The following PFKFB2 variants were observed in gnomAD, a reference collection of about 807,000 sequenced individuals.
PFKFB2 encodes the protein 6-phosphofructo-2-kinase/fructose-2,6-bisphosphatase 2.
Under a neutral mutation model 68.0 loss-of-function variants are expected in PFKFB2, and 53 were observed. The observed-to-expected ratio is 0.78, with a 90% confidence interval of 0.63 to 0.98. The LOEUF (loss-of-function observed/expected upper bound fraction) is 0.98, where lower values mean the gene tolerates loss of function less well. PFKFB2 is among the 50% of genes least tolerant of loss of function. The pLI is 0.00. For missense variants in PFKFB2, 451 were observed against 642.0 expected, an observed-to-expected ratio of 0.70 and a Z score of 3.22; for synonymous variants, 222 against 227.6, an observed-to-expected ratio of 0.98 and a Z score of 0.22.
intron 8 of PFKFB2, among the ~76,000 whole-genome samples, chr1:207,067,108 C>G (rs969430106): frequency 6.6e-6 from 1 of 152,164 alleles, no homozygotes; most frequent in Non-Finnish European, 1.5e-5. Context: ...CCTCGTTGCT[C>G]GTCGTGCCAT....
upstream of PFKFB2, among the ~76,000 whole-genome samples, chr1:207,049,907 GA>G (rs1272544250): frequency 6.6e-6 from 1 of 152,140 alleles, no homozygotes; most frequent in Non-Finnish European, 1.5e-5. Context: ...TCATAAAGAT[GA>G]AAAAAGAACA....
chr1:207,065,098 C>T lies in PFKFB2; in HGVS notation c.570C>T (p.Phe190=). 1 of 1,613,972 alleles carries T rather than the reference C, an allele frequency of 6.2e-7. No individual in the cohort carries two copies. The highest frequency in any genetic ancestry group is 8.5e-7 in the Non-Finnish European group (1 of 1,179,962). ...ERNRENVMED[F]LKRIECYKVT... ...ACAGAGAGAACGTGATGGAGGACTT[C>T]CTGAAGAGAATTGAATGCTACAAAG... The change falls in exon 8 of 15, where the codon TTC becomes TTT. Residue 190 remains phenylalanine, a synonymous_variant. Transcript: ENST00000367080.
chr1:207,035,255 C>A, intron 1 of PFKFB2: 1 of 959,642 alleles, frequency 1.0e-6, no homozygotes, highest in African/African-American at 1.8e-5. Flanking sequence ...TTTCTCAGTA[C>A]AACCTCCCCA....
chr1:207,071,674 A>G (rs1322583703), intron 14 of PFKFB2, 101 bp downstream of exon 14: 13 of 814,150 alleles, frequency 1.6e-5, no homozygotes, highest in Non-Finnish European at 2.7e-5. Flanking sequence ...TACAAAAGGG[A>G]AACAGATTCA....
chr1:207,050,364 C>A (rs1224382323), upstream of PFKFB2, among the ~76,000 whole-genome samples: 3 of 152,030 alleles, frequency 2.0e-5, no homozygotes, highest in African/African-American at 4.8e-5. Flanking sequence ...GACATAAGGA[C>A]AGAGAAAATA....
chr1:207,048,737 T>C (rs1682658450), upstream of PFKFB2: 1 of 364,822 alleles, frequency 2.7e-6, no homozygotes. Flanking sequence ...TAATACTCAA[T>C]CTCAACCTTC....
intron 10 of PFKFB2, 143 bp downstream of exon 10, chr1:207,068,452 G>C (rs1212051767): frequency 1.7e-6 from 1 of 583,220 alleles, no homozygotes; most frequent in Non-Finnish European, 2.7e-6. Context: ...TGGCCAGCCC[G>C]GGGGATCAGG....
chr1:207,080,629 T>C (rs1291153555), downstream of PFKFB2: 1 of 152,262 alleles, frequency 6.6e-6, no homozygotes, highest in Admixed American at 6.5e-5. Context: ...TCTATCCATG[T>C]AAGGCATTTT....
At chr1:207,057,106 C>T (rs970740220) in intron 2 of PFKFB2, among the ~76,000 whole-genome samples, 4 of 151,852 alleles carry the variant, frequency 2.6e-5, no homozygotes, top group East Asian at 1.9e-4. Context: ...GGCTACTGGC[C>T]GAGGTGCCTT....
chr1:207,057,956 T>A (rs1430195519), intron 2 of PFKFB2, among the ~76,000 whole-genome samples: 2 of 152,214 alleles, frequency 1.3e-5, no homozygotes, highest in African/African-American at 4.8e-5. Flanking sequence ...CTTTGCACAT[T>A]TGTGACAGCA....
Position 207,061,045 on chromosome 1 carries a change from T to C in PFKFB2, c.86-908T>C, listed in dbSNP as rs548327642. On this transcript the variant is annotated intron_variant, in intron 2 of 14. Coordinates refer to ENST00000367080, the MANE Select transcript of PFKFB2 (RefSeq NM_006212.2). Reference sequence around the variant, plus strand: ...AAGATATATATAAATATCTTAAATATATATATTTTATATATATCTTTATAT... The same window carrying C: ...AAGATATATATAAATATCTTAAATACATATATTTTATATATATCTTTATAT... 577 of 138,856 alleles carry C rather than the reference T, an allele frequency of 4.2e-3. 13 individuals carry two copies. The highest frequency in any genetic ancestry group is 0.014 in the African/African-American group (544 of 37,702). The allele number at this position is 138,856 out of a possible 1,614,324, so 8.6% of individuals were successfully genotyped here.
intron 2 of PFKFB2, chr1:207,043,976 A>C (rs1285888655): frequency 6.6e-6 from 1 of 152,650 alleles, no homozygotes; most frequent in African/African-American, 2.4e-5. Flanking sequence ...TAAGAGTTGT[A>C]GAAAATGAAG....
chr1:207,045,703 C>A (rs1682584566), intron 2 of PFKFB2: 1 of 151,798 alleles, frequency 6.6e-6, no homozygotes, highest in South Asian at 2.1e-4. Flanking sequence ...CAACTTGCAA[C>A]ACCCACGTTT....
chr1:207,058,986 A>G (rs940708308), intron 2 of PFKFB2, among the ~76,000 whole-genome samples: 21 of 152,220 alleles, frequency 1.4e-4, no homozygotes, highest in African/African-American at 4.8e-4. Flanking sequence ...TTGTTTTTTA[A>G]CAGGCAGGAC....
At position 207,077,089 on chromosome 1, in the gene PFKFB2, T is replaced by TAA; in HGVS notation, c.*4719_*4720dup. The TAA allele has an allele frequency of 1.0e-6, 1 of 985,144 alleles. No homozygotes were observed. The highest frequency in any genetic ancestry group is 1.2e-6 in the Non-Finnish European group (1 of 829,668). The allele number at this position is 985,144 out of a possible 1,614,324, so 61.0% of individuals were successfully genotyped here. On this transcript the variant is annotated 3_prime_UTR_variant, in exon 15 of 15. Coordinates refer to ENST00000367080, the MANE Select transcript of PFKFB2 (RefSeq NM_006212.2). ...TTTTATGGTATTTTGTGAACTCAGC[T>TAA]AAGGGAATGCCTGTTCAGAGCCTGG...
upstream of PFKFB2, chr1:207,048,890 G>C (rs1320038892): frequency 1.2e-6 from 1 of 827,166 alleles, no homozygotes; most frequent in Non-Finnish European, 1.9e-6. Flanking sequence ...CAGTGTCTTA[G>C]TGGTTTTAAG....
intron 1 of PFKFB2, among the ~76,000 whole-genome samples, chr1:207,036,366 T>A (rs1393083572): frequency 6.6e-6 from 1 of 152,236 alleles, no homozygotes; most frequent in African/African-American, 2.4e-5. Context: ...CTGGATTCCT[T>A]TGAGTCACTA....
chr1:207,068,095 A>T (rs1025935563), intron 9 of PFKFB2, 68 bp from the exon 10 acceptor site: 42 of 1,093,892 alleles, frequency 3.8e-5, no homozygotes, highest in African/African-American at 4.9e-5. Context: ...GTGTGTGTTG[A>T]GTGTGTGTGT....
intron 3 of PFKFB2, 38 bp from the exon 4 acceptor site, chr1:207,062,582 A>C (rs1186060726): frequency 5.6e-6 from 9 of 1,603,806 alleles, no homozygotes; most frequent in Non-Finnish European, 7.7e-6. Context: ...GGGCCATCAT[A>C]TTATTTTGCT....
Sources: gnomAD v4.1 joint callset for allele counts (sites outside exome capture counted in the v4.1 genomes callset) on GRCh38, gnomAD v4.1.1 for gene constraint, MANE v1.5 for transcripts, NCBI Gene and HGNC (gene_info 2026-07-23, HGNC 2026-07-21) for gene names.